The following CATSPER3 variants were observed in gnomAD, a reference collection of about 807,000 sequenced individuals.
CATSPER3 encodes the protein cation channel sperm-associated protein 3.
In CATSPER3, 23 loss-of-function variants were observed where a neutral mutation model predicts 36.6. The observed-to-expected ratio is 0.63, with a 90% CI of 0.45 to 0.89. CATSPER3 has a LOEUF of 0.89. CATSPER3 is among the 40% of genes least tolerant of loss of function. CATSPER3 has a pLI of 0.00. For synonymous variants in CATSPER3, 172 were observed against 184.1 expected, an observed-to-expected ratio of 0.93 and a Z score of 0.53; for missense variants, 474 against 503.9, an observed-to-expected ratio of 0.94 and a Z score of 0.57.
intron 2 of CATSPER3, among the ~76,000 whole-genome samples, chr5:134,974,769 C>T (rs1751648321): frequency 6.6e-6 from 1 of 152,174 alleles, no homozygotes; most frequent in South Asian, 2.1e-4. Context: ...CTTGGCACCA[C>T]TTCTGTGAAC....
chr5:135,004,653 CA>C (rs1350699450), intron 3 of CATSPER3, among the ~76,000 whole-genome samples: 2 of 152,042 alleles, frequency 1.3e-5, no homozygotes, highest in African/African-American at 4.8e-5. Context: ...GAGGGAAGTC[CA>C]GGGGTGAAGA....
chr5:135,008,718 G>A (rs1036879646), intron 4 of CATSPER3, 123 bp from the exon 5 acceptor site: 1 of 792,434 alleles, frequency 1.3e-6, no homozygotes, highest in African/African-American at 1.7e-5. Flanking sequence ...AGGTGTTGAG[G>A]GGATGACGTG....
chr5:135,006,045 C>CA (rs1288378550), intron 3 of CATSPER3, among the ~76,000 whole-genome samples: 1 of 152,154 alleles, frequency 6.6e-6, no homozygotes, highest in Non-Finnish European at 1.5e-5. Context: ...TTTGGGAATT[C>CA]AAAATCACAC....
rs577786779 is a variant in CATSPER3, at chr5:134,980,376, C to T, written c.252+10284C>T. On this transcript the variant is annotated intron_variant, in intron 2 of 7. Coordinates refer to ENST00000282611, the MANE Select transcript of CATSPER3 (RefSeq NM_178019.3). ...TCCCTCCCTCCTCTCTTCCTTCCTTCCCTCCCTCCTTCCCTCCTTCCCTCC... is the reference window on the plus strand; with the variant it reads ...TCCCTCCCTCCTCTCTTCCTTCCTTTCCTCCCTCCTTCCCTCCTTCCCTCC... Among the ~76,000 whole-genome samples, 19 of 141,956 alleles carry T rather than the reference C, an allele frequency of 1.3e-4. No homozygotes were observed. The South Asian group carries it at 4.7e-3, about 35-fold the overall frequency. The allele number at this position is 141,956 out of a possible 152,430, so 93.1% of individuals were successfully genotyped here. A position where few individuals can be genotyped will look rare whatever the true frequency, so the allele number is the denominator to read the frequency against.
rs866126601 is a variant in CATSPER3 at position 135,009,344 on chromosome 5, G to T, written c.817-27G>T. ...TCTGGGCATGTAGCGAGAGCCTGTAGTTGACCTCCATCGTCTGACTCTCTA... is the reference window on the plus strand; with the variant it reads ...TCTGGGCATGTAGCGAGAGCCTGTATTTGACCTCCATCGTCTGACTCTCTA... On this transcript the variant is annotated intron_variant, in intron 5 of 7. Transcript: ENST00000282611. 4 of 1,611,810 alleles carry T rather than the reference G, an allele frequency of 2.5e-6. No individual in the cohort carries two copies. The African/African-American group carries it at 4.0e-5, about 16-fold the overall frequency.
intron 2 of CATSPER3, among the ~76,000 whole-genome samples, chr5:134,993,977 T>G (rs1277596508): frequency 6.6e-6 from 1 of 152,034 alleles, no homozygotes; most frequent in African/African-American, 2.4e-5. Flanking sequence ...ATACAAAAAT[T>G]AGCCAGGCGT....
At chr5:134,998,239 C>T (rs573507875) in intron 3 of CATSPER3, among the ~76,000 whole-genome samples, 28 of 152,176 alleles carry the variant, frequency 1.8e-4, no homozygotes, top group South Asian at 2.1e-4. Flanking sequence ...TCCCTACAAA[C>T]GACATGAACT....
rs148115980 is a variant in CATSPER3, at chr5:134,987,657, T to C, written c.253-8616T>C. On this transcript the variant is annotated intron_variant, in intron 2 of 7. Transcript: ENST00000282611. The stretch of plus-strand genomic sequence containing the variant: ...TCAAGAAAGCAAGGGTGATTCAAAA[T>C]ACAAAAATCAATCAATGTAATACAC... Among the ~76,000 whole-genome samples the C allele has an allele frequency of 2.6e-4, 39 of 152,102 alleles. 1 individual carries two copies. The highest frequency in any genetic ancestry group is 4.6e-4 in the Non-Finnish European group (31 of 67,978).
At chr5:134,988,275 AC>A (rs1367226044) in intron 2 of CATSPER3, among the ~76,000 whole-genome samples, 1 of 152,224 alleles carries the variant, frequency 6.6e-6, no homozygotes, top group Admixed American at 6.5e-5. Context: ...ATGGCTGCTA[AC>A]TGATCAGGAT....
At chr5:134,999,803 T>G (rs1751997139) in intron 3 of CATSPER3, among the ~76,000 whole-genome samples, 2 of 152,200 alleles carry the variant, frequency 1.3e-5, no homozygotes, top group African/African-American at 4.8e-5. Flanking sequence ...TCAAGGAGAT[T>G]TTGGGCTGAG....
At position 134,974,206 on chromosome 5, in the gene CATSPER3, G is replaced by A. The variant is rs1235928965; in HGVS notation, c.252+4114G>A. 2.6e-5 allele frequency among the ~76,000 whole-genome samples: 4 copies of A among 151,990 alleles called. No homozygotes were observed. In the East Asian group the frequency reaches 7.7e-4, roughly 29 times the overall value. ...ATATGCTGAACTGTACCATGAGCGT[G>A]CACTCAGCAAAATCCAGACTGGGAG... On this transcript the variant is annotated intron_variant, in intron 2 of 7. Transcript: ENST00000282611.
chr5:134,993,826 T>C (rs1284010677), intron 2 of CATSPER3, among the ~76,000 whole-genome samples: 3 of 152,180 alleles, frequency 2.0e-5, no homozygotes, highest in African/African-American at 7.2e-5. Context: ...AAGGTATAAT[T>C]ATAAACATAT....
At chr5:134,985,277 C>G (rs1237578451) in intron 2 of CATSPER3, among the ~76,000 whole-genome samples, 2 of 152,124 alleles carry the variant, frequency 1.3e-5, no homozygotes, top group Non-Finnish European at 2.9e-5. Flanking sequence ...TCTTTTGCAG[C>G]AACTTGGATG....
intron 2 of CATSPER3, among the ~76,000 whole-genome samples, chr5:134,988,076 TG>T (rs1261602075): frequency 6.6e-6 from 1 of 152,368 alleles, no homozygotes; most frequent in Middle Eastern, 3.4e-3. Flanking sequence ...TGAATTTTTT[TG>T]TTTCCTGGTA....
At chr5:134,968,414 G>A in intron 1 of CATSPER3, 2 of 341,204 alleles carry the variant, frequency 5.9e-6, no homozygotes, top group Non-Finnish European at 5.6e-6. Context: ...ATACATTCTG[G>A]CTGGGCACGG....
At chr5:135,002,848 AT>A (rs905748038) in intron 3 of CATSPER3, among the ~76,000 whole-genome samples, 1 of 152,058 alleles carries the variant, frequency 6.6e-6, no homozygotes, top group African/African-American at 2.4e-5. Flanking sequence ...CTAGTTAGCC[AT>A]TTGTCTAATC....
chr5:135,010,580 G>A (rs767179656), intron 7 of CATSPER3, 50 bp downstream of exon 7: 1 of 1,570,800 alleles, frequency 6.4e-7, no homozygotes, highest in Non-Finnish European at 8.8e-7. Flanking sequence ...CCTCGAGGTT[G>A]GGCTGTGTCA....
At chr5:134,996,905 A>G (rs566440482) in intron 3 of CATSPER3, among the ~76,000 whole-genome samples, 12 of 152,338 alleles carry the variant, frequency 7.9e-5, no homozygotes, top group Admixed American at 2.0e-4. Flanking sequence ...CCAGGCCACT[A>G]GCTGCTTTCC....
At chr5:134,985,118 C>G (rs1185490703) in intron 2 of CATSPER3, among the ~76,000 whole-genome samples, 4 of 152,162 alleles carry the variant, frequency 2.6e-5, no homozygotes, top group Non-Finnish European at 5.9e-5. Context: ...TGTGCCAGGT[C>G]TGCATGCATA....
Sources: gnomAD v4.1 joint callset for allele counts (sites outside exome capture counted in the v4.1 genomes callset) on GRCh38, gnomAD v4.1.1 for gene constraint, MANE v1.5 for transcripts, NCBI Gene and HGNC (gene_info 2026-07-23, HGNC 2026-07-21) for gene names.